WWOX: variants seen among roughly 807,000 people sequenced by gnomAD.
WWOX encodes WW domain-containing oxidoreductase.
WWOX carries 69 observed loss-of-function variants against 46.2 expected under a neutral mutation model. The ratio of observed to expected loss-of-function variants is 1.49; its 90% CI spans 1.23 to 1.82. WWOX has a LOEUF of 1.82. Among genes scored for constraint, WWOX ranks in the 40% most tolerant of loss-of-function variants. The pLI is 0.00. For synonymous variants in WWOX, 359 were observed against 202.6 expected, an observed-to-expected ratio of 1.77 and a Z score of -6.56; for missense variants, 919 against 542.6, an observed-to-expected ratio of 1.69 and a Z score of -6.89.
intron 8 of WWOX, among the ~76,000 whole-genome samples, chr16:78,708,305 T>A (rs1224095313): frequency 1.3e-5 from 2 of 152,234 alleles, no homozygotes; most frequent in Non-Finnish European, 2.9e-5. Context: ...CTAAAAATTT[T>A]CTTTGGGATA....
intron 5 of WWOX, among the ~76,000 whole-genome samples, chr16:78,210,180 A>G (rs1283388045): frequency 6.6e-6 from 1 of 152,202 alleles, no homozygotes; most frequent in Non-Finnish European, 1.5e-5. Context: ...ACTTGCTTCA[A>G]TATTCAAAGT....
intron 8 of WWOX, among the ~76,000 whole-genome samples, chr16:78,839,506 G>A (rs1175146771): frequency 6.6e-6 from 1 of 152,182 alleles, no homozygotes; most frequent in African/African-American, 2.4e-5. Context: ...GTACAGGGCT[G>A]TGACTTTTTC....
intron 8 of WWOX, among the ~76,000 whole-genome samples, chr16:79,033,539 T>A (rs933376122): frequency 2.0e-5 from 3 of 152,108 alleles, no homozygotes; most frequent in African/African-American, 7.2e-5. Flanking sequence ...CCCCTGGCCC[T>A]CACTACCACA....
chr16:78,633,968 C>T (rs1427035842), intron 8 of WWOX, among the ~76,000 whole-genome samples: 1 of 151,222 alleles, frequency 6.6e-6, no homozygotes, highest in African/African-American at 2.4e-5. Flanking sequence ...GCTGAGTGTC[C>T]TTTTATTAGT....
chr16:78,968,123 AGC>A (rs2046398669), intron 8 of WWOX, among the ~76,000 whole-genome samples: 139 of 7,870 alleles, frequency 0.018, no homozygotes, highest in African/African-American at 0.03. Flanking sequence ...CGCGTGGCAC[AGC>A]GCGTGGTCCG....
chr16:78,637,977 C>G (rs1057025777), intron 8 of WWOX, among the ~76,000 whole-genome samples: 1 of 152,156 alleles, frequency 6.6e-6, no homozygotes, highest in African/African-American at 2.4e-5. Context: ...GACCCAGAAT[C>G]ACTTTCAACT....
intron 8 of WWOX, among the ~76,000 whole-genome samples, chr16:78,612,954 C>T (rs1236420775): frequency 6.6e-6 from 1 of 152,210 alleles, no homozygotes; most frequent in Non-Finnish European, 1.5e-5. Flanking sequence ...TCTGGGGTCA[C>T]TACCAACCTT....
At chr16:78,755,386 A>C (rs2049617618) in intron 8 of WWOX, among the ~76,000 whole-genome samples, 1 of 152,182 alleles carries the variant, frequency 6.6e-6, no homozygotes, top group Non-Finnish European at 1.5e-5. Context: ...CAGGTAAAGC[A>C]GGCCTTGTTG....
At chr16:79,125,512 A>G (rs896924506) in intron 8 of WWOX, among the ~76,000 whole-genome samples, 1 of 152,190 alleles carries the variant, frequency 6.6e-6, no homozygotes. Flanking sequence ...CCAGGCTCAA[A>G]TGATAGACAT....
At chr16:78,746,668 T>C (rs1189246976) in intron 8 of WWOX, among the ~76,000 whole-genome samples, 1 of 152,044 alleles carries the variant, frequency 6.6e-6, no homozygotes, top group East Asian at 1.9e-4. Context: ...CATGATTGGC[T>C]TTGTACTCCT....
chr16:78,604,255 A>G (rs1213870756), intron 8 of WWOX, among the ~76,000 whole-genome samples: 1 of 152,176 alleles, frequency 6.6e-6, no homozygotes, highest in Non-Finnish European at 1.5e-5. Flanking sequence ...CTCCTGGGGC[A>G]CCCTTCCTTA....
chr16:78,936,213 A>G (rs988018565), intron 8 of WWOX, among the ~76,000 whole-genome samples: 3 of 152,116 alleles, frequency 2.0e-5, no homozygotes, highest in African/African-American at 4.8e-5. Flanking sequence ...AGTGAGTTTA[A>G]TGGTTGACTT....
intron 8 of WWOX, among the ~76,000 whole-genome samples, chr16:78,868,239 C>T (rs146862975): frequency 6.6e-6 from 1 of 152,112 alleles, no homozygotes; most frequent in Non-Finnish European, 1.5e-5. Context: ...CATAGATGAA[C>T]TTCAAAAACA....
chr16:78,588,570 G>A (rs1203033070), intron 8 of WWOX, among the ~76,000 whole-genome samples: 2 of 152,154 alleles, frequency 1.3e-5, no homozygotes, highest in African/African-American at 4.8e-5. Flanking sequence ...GAAGCTGCCT[G>A]GAGGACCAGT....
chr16:78,651,946 A>T (rs866270945), intron 8 of WWOX, among the ~76,000 whole-genome samples: 1 of 152,228 alleles, frequency 6.6e-6, no homozygotes, highest in South Asian at 2.1e-4. Context: ...AGGCACAGGG[A>T]TGGTTGCCAT....
chr16:78,680,723 A>T (rs2047709929), intron 8 of WWOX, among the ~76,000 whole-genome samples: 1 of 152,174 alleles, frequency 6.6e-6, no homozygotes, highest in Non-Finnish European at 1.5e-5. Context: ...ATACAGAAAG[A>T]ACGTTTCCGT....
At chr16:78,232,961 C>G (rs1567445046) in intron 5 of WWOX, among the ~76,000 whole-genome samples, 1 of 152,134 alleles carries the variant, frequency 6.6e-6, no homozygotes, top group Non-Finnish European at 1.5e-5. Context: ...CCTGCCTCAG[C>G]CTCCCAAGTT....
intron 8 of WWOX, among the ~76,000 whole-genome samples, chr16:79,183,318 C>G (rs949205165): frequency 1.3e-5 from 2 of 152,172 alleles, no homozygotes; most frequent in African/African-American, 4.8e-5. Flanking sequence ...AGTCTTTGTC[C>G]TCCCAGAAGG....
At chr16:78,269,381 G>A (rs1464523349) in intron 5 of WWOX, among the ~76,000 whole-genome samples, 2 of 152,178 alleles carry the variant, frequency 1.3e-5, no homozygotes, top group African/African-American at 2.4e-5. Flanking sequence ...TGGTTCCCAT[G>A]TTAGTCCCTG....
Sources: gnomAD v4.1 joint callset for allele counts (sites outside exome capture counted in the v4.1 genomes callset) on GRCh38, gnomAD v4.1.1 for gene constraint, MANE v1.5 for transcripts, NCBI Gene and HGNC (gene_info 2026-07-23, HGNC 2026-07-21) for gene names.